FN1: variants seen among roughly 807,000 people sequenced by gnomAD.
FN1 encodes fibronectin 1.
Under a neutral mutation model 297.3 loss-of-function variants are expected in FN1, and 106 were observed. The ratio of observed to expected loss-of-function variants is 0.36; its 90% confidence interval spans 0.30 to 0.42. FN1 has a LOEUF of 0.42. FN1 is among the 10% of genes least tolerant of loss of function. FN1 has a pLI of 1.00. For synonymous variants in FN1, 1,149 were observed against 1,152.6 expected (o/e 1.00, Z 0.06); for missense variants, 2,690 against 3,124.9 (o/e 0.86, Z 3.32).
intron 39 of FN1, among the ~76,000 whole-genome samples, 184 bp downstream of exon 39, chr2:215,373,136 CAA>C (rs749340251): frequency 2.6e-5 from 4 of 151,844 alleles, no homozygotes; most frequent in Non-Finnish European, 5.9e-5. Context: ...AAAATAAAAC[CAA>C]ACTCTGCAGT....
intron 41 of FN1, among the ~76,000 whole-genome samples, chr2:215,369,215 T>TAAAAAAAAAAAAAAAAAAAAAAAAAAA (rs58108373): frequency 1.4e-5 from 2 of 138,004 alleles, no homozygotes; most frequent in Non-Finnish European, 1.6e-5. Context: ...ATGGAATCTT[T>TAAAAAAAAAAAAAAAAAAAAAAAAAAA]AAAAAAAAAA....
chr2:215,421,012 G>T (rs1202120136), intron 10 of FN1: 1 of 540,506 alleles, frequency 1.9e-6, no homozygotes. Context: ...TTCCCAAAAT[G>T]TGTAACTTTT....
chr2:215,380,614 T>G (rs1456117655), intron 33 of FN1, 197 bp downstream of exon 33: 2 of 713,856 alleles, frequency 2.8e-6, no homozygotes, highest in Non-Finnish European at 2.4e-6. Flanking sequence ...ACTCCAAAAT[T>G]TCTTTTAATC....
At position 215,376,556 on chromosome 2, in the gene FN1, A is replaced by T; in HGVS notation, c.5829T>A (p.Asn1943Lys). The T allele has an allele frequency of 6.2e-7, 1 of 1,613,930 alleles. No homozygotes were observed. Among genetic ancestry groups the T allele is most frequent in the Admixed American group, 1.7e-5 (1 of 59,984 alleles). Reference sequence around the variant, plus strand: ...TGGTTCTCTGGATTGGAGTCTGGCCATTGGCTGGAACGGCATCAACTTGGA... The same window carrying T: ...TGGTTCTCTGGATTGGAGTCTGGCCTTTGGCTGGAACGGCATCAACTTGGA... The part of the protein sequence containing the change: ...TGFQVDAVPA[N>K]GQTPIQRTIK... Residue 1943 changes from asparagine to lysine, a missense_variant, in exon 36 of 46, where the codon AAT becomes AAA. This residue lies in a region of FN1 where 1,743 missense variants were observed against 1,945.2 expected (regional missense o/e 0.90). Coordinates refer to ENST00000354785, the MANE Select transcript of FN1 (RefSeq NM_212482.4).
chr2:215,386,076 C>CTTTTTTTTTTT (rs571159227), intron 28 of FN1, among the ~76,000 whole-genome samples: 1 of 109,440 alleles, frequency 9.1e-6, no homozygotes, highest in African/African-American at 3.5e-5. Flanking sequence ...GCGCCTGGCC[C>CTTTTTTTTTTT]TTTTTTTTTT....
chr2:215,401,259 A>AAAAAAAGAAAGAAAGAAAGAAAGGAAGG (rs2061088518), intron 20 of FN1, among the ~76,000 whole-genome samples: 2 of 81,748 alleles, frequency 2.4e-5, no homozygotes, highest in African/African-American at 9.7e-5. Flanking sequence ...AGGAAGAAAG[A>AAAAAAAGAAAGAAAGAAAGAAAGGAAGG]AAGGAAGGAA....
intron 18 of FN1, among the ~76,000 whole-genome samples, 158 bp from the exon 19 acceptor site, chr2:215,406,668 AT>A: frequency 6.6e-6 from 1 of 152,330 alleles, no homozygotes; most frequent in Middle Eastern, 3.4e-3. Flanking sequence ...TGGTCCAGTC[AT>A]AGTGCTTAAA....
At position 215,422,071 on chromosome 2, in the gene FN1, T is replaced by C. The variant is rs1409029002; in HGVS notation, c.1546+20A>G. On this transcript the variant is annotated intron_variant, in intron 10 of 45. Coordinates refer to ENST00000354785, the MANE Select transcript of FN1 (RefSeq NM_212482.4). ...GTACCTTTTGCCATCTCAAATATTT[T>C]TGTTAATCAGCCAGCATACCTCGAA... is the stretch of plus-strand genomic sequence containing the variant. 1 of 1,613,806 alleles carries C rather than the reference T, an allele frequency of 6.2e-7. No individual in the cohort carries two copies. The highest frequency in any genetic ancestry group is 1.7e-5 in the Admixed American group (1 of 60,030).
At chr2:215,418,556 C>CA (rs1249507426) in intron 12 of FN1, among the ~76,000 whole-genome samples, 2 of 152,150 alleles carry the variant, frequency 1.3e-5, no homozygotes, top group African/African-American at 2.4e-5. Flanking sequence ...ATTAGCCTTT[C>CA]ATGTTTTATT....
intron 17 of FN1, among the ~76,000 whole-genome samples, chr2:215,407,881 G>A (rs1481198856): frequency 2.0e-5 from 3 of 151,816 alleles, no homozygotes; most frequent in Non-Finnish European, 4.4e-5. Flanking sequence ...ATGTTGTGGT[G>A]TGTGTGTATA....
At chr2:215,380,510 G>A in intron 33 of FN1, 1 of 425,260 alleles carries the variant, frequency 2.4e-6, no homozygotes, top group South Asian at 2.6e-5. Context: ...ACATAGTGAG[G>A]GTAATCACAG....
chr2:215,424,692 G>T (rs1274548227), intron 7 of FN1, among the ~76,000 whole-genome samples: 1 of 152,186 alleles, frequency 6.6e-6, no homozygotes, highest in Non-Finnish European at 1.5e-5. Flanking sequence ...TATTCTGGGG[G>T]AGAATTGTGT....
chr2:215,371,357 C>T (rs535453795), intron 40 of FN1, among the ~76,000 whole-genome samples: 15 of 150,986 alleles, frequency 9.9e-5, no homozygotes, highest in African/African-American at 2.9e-4. Flanking sequence ...TGCACAGCTT[C>T]GCCTGTTTTT....
At chr2:215,374,622 T>C (rs1042354667) in intron 38 of FN1, among the ~76,000 whole-genome samples, 3 of 152,248 alleles carry the variant, frequency 2.0e-5, no homozygotes, top group Admixed American at 6.5e-5. Flanking sequence ...TGTGAGTCAA[T>C]TAAACCTCTT....
At chr2:215,425,307 G>T (rs1238087936) in intron 6 of FN1, 22 bp from the exon 7 acceptor site, 1 of 1,611,918 alleles carries the variant, frequency 6.2e-7, no homozygotes, top group Admixed American at 1.7e-5. Context: ...AAAAGGGAAT[G>T]TCACAAAACT....
At chr2:215,367,779 C>T in intron 42 of FN1, 84 bp downstream of exon 42, 2 of 1,392,754 alleles carry the variant, frequency 1.4e-6, no homozygotes, top group Middle Eastern at 1.8e-4. Flanking sequence ...CTGTGTCTTC[C>T]AAACATGCTT....
intron 6 of FN1, among the ~76,000 whole-genome samples, chr2:215,425,691 T>G (rs548019097): frequency 2.6e-5 from 4 of 152,200 alleles, no homozygotes; most frequent in African/African-American, 9.6e-5. Context: ...TAGCTGCAAT[T>G]ACAGGCACGC....
chr2:215,401,222 GAAA>G (rs1473004541), intron 20 of FN1, among the ~76,000 whole-genome samples: 11 of 48,076 alleles, frequency 2.3e-4, no homozygotes, highest in African/African-American at 8.5e-4. Context: ...AAGAAAGAAA[GAAA>G]GAAAGAAAGA....
chr2:215,399,380 A>G, intron 20 of FN1, 29 bp from the exon 21 acceptor site: 1 of 1,478,830 alleles, frequency 6.8e-7, no homozygotes, highest in South Asian at 1.1e-5. Context: ...GCACATATTC[A>G]AAACTCAAAC....
Sources: gnomAD v4.1 joint callset for allele counts (sites outside exome capture counted in the v4.1 genomes callset) on GRCh38, gnomAD v4.1.1 for gene constraint, gnomAD v4.1.1 regional missense constraint, MANE v1.5 for transcripts, NCBI Gene and HGNC (gene_info 2026-07-23, HGNC 2026-07-21) for gene names.